The following BAIAP2 variants were observed in gnomAD, a reference collection of about 807,000 sequenced individuals.
BAIAP2 encodes BAR/IMD domain containing adaptor protein 2.
BAIAP2 carries 18 observed loss-of-function variants against 63.0 expected under a neutral mutation model. The ratio of observed to expected loss-of-function variants is 0.29; its 90% CI spans 0.20 to 0.42. The LOEUF (loss-of-function observed/expected upper bound fraction) is 0.42. BAIAP2 is among the 10% of genes least tolerant of loss of function. The pLI, the probability that BAIAP2 is intolerant of heterozygous loss-of-function variation, is 1.00. For synonymous variants in BAIAP2, 386 were observed against 307.6 expected, an observed-to-expected ratio of 1.25 and a Z score of -2.67; for missense variants, 610 against 734.3, an observed-to-expected ratio of 0.83 and a Z score of 1.96.
intron 9 of BAIAP2, 101 bp from the exon 10 acceptor site, chr17:81,104,413 G>C: frequency 7.6e-7 from 1 of 1,310,666 alleles, no homozygotes; most frequent in South Asian, 1.4e-5. Flanking sequence ...TACCCACCTG[G>C]GGCACAGGCG....
At chr17:81,092,681 C>T (rs1035624487) in intron 6 of BAIAP2, among the ~76,000 whole-genome samples, 4 of 152,212 alleles carry the variant, frequency 2.6e-5, no homozygotes, top group Non-Finnish European at 4.4e-5. Flanking sequence ...GTAAGGGGCC[C>T]GGCCCGGAGC....
At chr17:81,040,586 G>T (rs972871380) in intron 1 of BAIAP2, among the ~76,000 whole-genome samples, 1 of 152,282 alleles carries the variant, frequency 6.6e-6, no homozygotes, top group African/African-American at 2.4e-5. Flanking sequence ...CGGCCAGCCT[G>T]TGAGGGGCCC....
intron 2 of BAIAP2, 69 bp downstream of exon 2, chr17:81,053,812 C>T (rs2049045262): frequency 3.9e-6 from 6 of 1,544,426 alleles, no homozygotes; most frequent in Non-Finnish European, 5.3e-6. Flanking sequence ...GCCCGGGCCC[C>T]GTGGGGTGGG....
At chr17:81,061,268 C>A (rs1246511724) in intron 3 of BAIAP2, among the ~76,000 whole-genome samples, 4 of 152,214 alleles carry the variant, frequency 2.6e-5, no homozygotes, top group African/African-American at 9.7e-5. Flanking sequence ...GATATAAATT[C>A]TTTTCATGGC....
chr17:81,116,417 T>C lies in BAIAP2; in HGVS notation c.*578T>C, dbSNP rs1340299512. On this transcript the variant is annotated 3_prime_UTR_variant, in exon 14 of 14. Transcript: ENST00000428708. ...GCTCTCCTGGGCCCCTCACTCCCAC[T>C]GGCAATGTCACAAGGGCCTCCCCAG... is the stretch of plus-strand genomic sequence containing the variant. The C allele has an allele frequency of 9.2e-6, 13 of 1,409,976 alleles. No homozygotes were observed. Among genetic ancestry groups the C allele is most frequent in the Non-Finnish European group, 1.3e-5 (13 of 1,034,498 alleles). 87.3% of individuals were successfully genotyped at this position (1,409,976 alleles called of 1,614,324 possible).
At chr17:81,048,308 GAA>G (rs1337128716) in intron 1 of BAIAP2, among the ~76,000 whole-genome samples, 2 of 140,336 alleles carry the variant, frequency 1.4e-5, no homozygotes, top group Admixed American at 7.7e-5. Flanking sequence ...CACTTGCTGA[GAA>G]TGCACCACTG....
intron 6 of BAIAP2, among the ~76,000 whole-genome samples, chr17:81,093,242 G>A (rs898915628): frequency 4.6e-5 from 7 of 152,124 alleles, no homozygotes; most frequent in Non-Finnish European, 8.8e-5. Context: ...GCTCAGAATC[G>A]CACTGGGCAT....
intron 13 of BAIAP2, among the ~76,000 whole-genome samples, chr17:81,115,488 C>T (rs1026935020): frequency 1.3e-4 from 20 of 149,610 alleles, no homozygotes; most frequent in African/African-American, 4.8e-4. Flanking sequence ...CCACCCCGCC[C>T]TGCCCTGCCC....
In BAIAP2 at chr17:81,072,072, G is replaced by A. The variant is rs577995529; in HGVS notation, c.218-12760G>A. Reference sequence around the variant, plus strand: ...TGGTCCTGTTGCTCCTCCTTCGAGCGCCCACGTAGGGCTGGGGTTCCCTGC... The same window carrying A: ...TGGTCCTGTTGCTCCTCCTTCGAGCACCCACGTAGGGCTGGGGTTCCCTGC... On this transcript the variant is annotated intron_variant, in intron 3 of 13. Coordinates refer to ENST00000428708, the MANE Select transcript of BAIAP2 (RefSeq NM_001144888.2). 2.6e-4 allele frequency among the ~76,000 whole-genome samples: 39 copies of A among 152,294 alleles called. No homozygotes were observed. The South Asian group carries it at 4.6e-3, about 18-fold the overall frequency.
chr17:81,049,057 A>G, intron 1 of BAIAP2, among the ~76,000 whole-genome samples: 1 of 152,214 alleles, frequency 6.6e-6, no homozygotes, highest in East Asian at 1.9e-4. Flanking sequence ...GAATGAACAA[A>G]CGAGGAACTG....
chr17:81,041,688 C>T (rs1249004157), intron 1 of BAIAP2, among the ~76,000 whole-genome samples: 1 of 152,184 alleles, frequency 6.6e-6, no homozygotes, highest in African/African-American at 2.4e-5. Flanking sequence ...GATTCTCCTG[C>T]CCCAGCCTCC....
At chr17:81,038,477 G>T (rs1324140201) in intron 1 of BAIAP2, among the ~76,000 whole-genome samples, 1 of 152,264 alleles carries the variant, frequency 6.6e-6, no homozygotes, top group African/African-American at 2.4e-5. Flanking sequence ...ATCTGGGGAG[G>T]AGGAGGAGTC....
intron 3 of BAIAP2, among the ~76,000 whole-genome samples, chr17:81,081,226 T>G (rs2054548407): frequency 6.6e-6 from 1 of 152,164 alleles, no homozygotes; most frequent in South Asian, 2.1e-4. Context: ...GAGGTCGTGG[T>G]GTCCATCCTG....
chr17:81,081,611 C>T (rs945295401), intron 3 of BAIAP2, among the ~76,000 whole-genome samples: 4 of 152,218 alleles, frequency 2.6e-5, no homozygotes, highest in African/African-American at 9.6e-5. Flanking sequence ...CAAATTCTGT[C>T]CTCTTTGTCC....
rs7218215 is a variant in BAIAP2 at position 81,069,041 on chromosome 17, T to C, written c.217+11074T>C. Among the ~76,000 whole-genome samples the C allele has an allele frequency of 7.4e-3, 1,129 of 152,256 alleles. 19 individuals are homozygous for C. The highest frequency in any genetic ancestry group is 0.026 in the African/African-American group (1,091 of 41,544). On this transcript the variant is annotated intron_variant, in intron 3 of 13. Transcript: ENST00000428708. ...TCAGCAGCCCCAGGGGTGATCCCGG[T>C]GGCAGGGGCTGGGCTTAGAAGGATG...
intron 6 of BAIAP2, among the ~76,000 whole-genome samples, chr17:81,099,582 C>T (rs2058213381): frequency 6.6e-6 from 1 of 152,164 alleles, no homozygotes; most frequent in Admixed American, 6.5e-5. Context: ...GCCTTGGCCA[C>T]AGGGAGGTGC....
chr17:81,094,643 C>T (rs1219916435), intron 6 of BAIAP2, among the ~76,000 whole-genome samples: 1 of 152,298 alleles, frequency 6.6e-6, no homozygotes, highest in Admixed American at 6.5e-5. Context: ...TCCTTTTAAC[C>T]ACCTGCCATG....
intron 1 of BAIAP2, among the ~76,000 whole-genome samples, chr17:81,038,010 C>T (rs1407476604): frequency 1.3e-5 from 2 of 152,200 alleles, no homozygotes; most frequent in African/African-American, 4.8e-5. Flanking sequence ...AACGGCTTCC[C>T]GGTGTTTGCC....
chr17:81,109,641 G>A (rs1279833967), intron 13 of BAIAP2: 4 of 985,254 alleles, frequency 4.1e-6, no homozygotes, highest in African/African-American at 1.7e-5. Context: ...GAGGGAGGCC[G>A]GGCCCGGGCA....
Sources: gnomAD v4.1 joint callset for allele counts (sites outside exome capture counted in the v4.1 genomes callset) on GRCh38, gnomAD v4.1.1 for gene constraint, MANE v1.5 for transcripts, NCBI Gene and HGNC (gene_info 2026-07-23, HGNC 2026-07-21) for gene names.